Variants in TMX3 observed in about 807,000 individuals in gnomAD.
TMX3 encodes the protein protein disulfide-isomerase TMX3.
A neutral mutation model predicts 64.4 loss-of-function variants in TMX3; 40 were observed. The observed-to-expected ratio is 0.62, with a 90% CI of 0.48 to 0.81. The LOEUF (loss-of-function observed/expected upper bound fraction) is 0.81, where lower values mean the gene tolerates loss of function less well. Ranked by LOEUF, TMX3 falls within the 30% of genes least tolerant of loss-of-function variation. TMX3 has a pLI of 0.00. For missense variants in TMX3, 497 were observed against 534.5 expected (o/e 0.93, Z 0.69); for synonymous variants, 189 against 175.7 (o/e 1.08, Z -0.60).
intron 9 of TMX3, chr18:68,689,541 T>C (rs1005564381): frequency 2.6e-5 from 4 of 152,176 alleles, no homozygotes; most frequent in Non-Finnish European, 4.4e-5. Context: ...CCTGTTTCTT[T>C]ATCTGTAAAA....
At chr18:68,677,794 A>G (rs541047236) in intron 15 of TMX3, among the ~76,000 whole-genome samples, 1 of 152,278 alleles carries the variant, frequency 6.6e-6, no homozygotes, top group African/African-American at 2.4e-5. Flanking sequence ...GAGAACATAG[A>G]GAAGTTCAGA....
Position 68,679,446 on chromosome 18 carries a change from A to G in TMX3, c.1104+17T>C, listed in dbSNP as rs993731666. 6.3e-7 allele frequency: 1 copy of G among 1,597,472 alleles called. No individual in the cohort carries two copies. The highest frequency in any genetic ancestry group is 2.2e-5 in the East Asian group (1 of 44,562). On this transcript the variant is annotated intron_variant, in intron 15 of 15. Transcript: ENST00000299608. Reference sequence around the variant, plus strand: ...ATATCTTCTTCATTATCAATGACATAAACTGTCACAACTTACCACAATAGT... The same window carrying G: ...ATATCTTCTTCATTATCAATGACATGAACTGTCACAACTTACCACAATAGT...
intron 12 of TMX3, among the ~76,000 whole-genome samples, chr18:68,683,763 T>C (rs1201290568): frequency 1.3e-5 from 2 of 152,114 alleles, no homozygotes; most frequent in African/African-American, 4.8e-5. Flanking sequence ...TCCCCCCTTA[T>C]CCATAGATTC....
chr18:68,711,916 T>C (rs2031318788), intron 2 of TMX3, among the ~76,000 whole-genome samples: 1 of 152,148 alleles, frequency 6.6e-6, no homozygotes, highest in Non-Finnish European at 1.5e-5. Flanking sequence ...CCTGAAGATG[T>C]GCAGTCCAGC....
chr18:68,714,898 C>A (rs1169677768), intron 1 of TMX3, 38 bp downstream of exon 1: 4 of 1,548,458 alleles, frequency 2.6e-6, no homozygotes, highest in Non-Finnish European at 3.5e-6. Context: ...CCAGGTCCCA[C>A]GCGCCCGCCA....
At position 68,709,984 on chromosome 18, in the gene TMX3, T is replaced by G. The variant is rs201355390; in HGVS notation, c.265+37A>C. On this transcript the variant is annotated intron_variant, in intron 4 of 15. Coordinates refer to ENST00000299608, the MANE Select transcript of TMX3 (RefSeq NM_019022.5). ...CTGTTGCATATAAATGTTTTTGCTG[T>G]GAGAACAGTAAAATAATAAACTAAG... is the stretch of plus-strand genomic sequence containing the variant. 3.1e-5 allele frequency: 48 copies of G among 1,537,976 alleles called. No homozygotes were observed. The East Asian group carries it at 9.0e-4, about 29-fold the overall frequency.
At chr18:68,697,368 TA>T in intron 7 of TMX3, 65 bp from the exon 8 acceptor site, 1 of 879,126 alleles carries the variant, frequency 1.1e-6, no homozygotes, top group Non-Finnish European at 1.8e-6. Flanking sequence ...CATTCCTCAT[TA>T]AACAATGAGA....
At chr18:68,678,326 G>A (rs1913115474) in intron 15 of TMX3, among the ~76,000 whole-genome samples, 1 of 152,144 alleles carries the variant, frequency 6.6e-6, no homozygotes, top group South Asian at 2.1e-4. Context: ...AAGGACAACA[G>A]GAACTAAGTT....
chr18:68,686,168 G>A (rs545971478), intron 10 of TMX3, among the ~76,000 whole-genome samples: 1 of 152,208 alleles, frequency 6.6e-6, no homozygotes, highest in South Asian at 2.1e-4. Flanking sequence ...AGCATCAGGG[G>A]ACAGGTGGGG....
Position 68,711,365 on chromosome 18 carries a change from T to C in TMX3, c.140A>G (p.Asp47Gly). 6.3e-7 allele frequency: 1 copy of C among 1,584,148 alleles called. No homozygotes were observed. Among genetic ancestry groups the C allele is most frequent in the Non-Finnish European group, 8.6e-7 (1 of 1,161,438 alleles). The change falls in exon 3 of 16, where the codon GAT (aspartate) becomes GGT (glycine). Residue 47 changes from aspartate to glycine, a missense_variant and splice_region_variant. Asp to Gly is a moderately conservative substitution (Grantham distance 94). Transcript: ENST00000299608. ...ENRNDDIWLVDFYAPWCGHCK... is the reference protein window; with the variant it reads ...ENRNDDIWLVGFYAPWCGHCK... ...AGCATATAAAATTTACATACTTACATCTACAAGCCAAATGTCATCATTTCG... is the reference window on the plus strand; with the variant it reads ...AGCATATAAAATTTACATACTTACACCTACAAGCCAAATGTCATCATTTCG...
chr18:68,697,763 T>C (rs995396504), intron 7 of TMX3, 169 bp downstream of exon 7: 1 of 519,216 alleles, frequency 1.9e-6, no homozygotes, highest in Non-Finnish European at 3.4e-6. Flanking sequence ...TAGGAAAACA[T>C]GACAGAAGGT....
chr18:68,706,592 T>A (rs1351004584), intron 4 of TMX3, among the ~76,000 whole-genome samples: 1 of 152,150 alleles, frequency 6.6e-6, no homozygotes, highest in African/African-American at 2.4e-5. Context: ...GTCTACAGAT[T>A]ACATGCTGAG....
chr18:68,696,563 G>A (rs183898065), intron 8 of TMX3, among the ~76,000 whole-genome samples: 1 of 152,038 alleles, frequency 6.6e-6, no homozygotes, highest in Non-Finnish European at 1.5e-5. Context: ...TGCAGCCTCT[G>A]CCTCCCAGGT....
intron 4 of TMX3, chr18:68,706,431 GAAATA>G (rs956555557): frequency 1.4e-4 from 21 of 151,820 alleles, no homozygotes; most frequent in Non-Finnish European, 2.1e-4. Flanking sequence ...AAGAAATAAA[GAAATA>G]AAATAAAAGA....
chr18:68,707,989 A>G (rs1292744005), intron 4 of TMX3, among the ~76,000 whole-genome samples: 1 of 144,540 alleles, frequency 6.9e-6, no homozygotes, highest in African/African-American at 2.8e-5. Flanking sequence ...GTGTATGTGT[A>G]TATATGTGTA....
intron 8 of TMX3, among the ~76,000 whole-genome samples, chr18:68,692,299 T>C (rs1231430238): frequency 1.3e-5 from 2 of 152,198 alleles, no homozygotes; most frequent in East Asian, 1.9e-4. Context: ...TATCCCTGAA[T>C]AGTTCTTACT....
chr18:68,703,060 G>A (rs1047759480), intron 4 of TMX3, among the ~76,000 whole-genome samples: 8 of 152,178 alleles, frequency 5.3e-5, no homozygotes, highest in Non-Finnish European at 7.3e-5. Flanking sequence ...ATTTGTGCCC[G>A]TCTGTAATCT....
intron 1 of TMX3, 34 bp from the exon 2 acceptor site, chr18:68,713,934 G>A (rs1177454742): frequency 2.7e-6 from 4 of 1,464,278 alleles, no homozygotes; most frequent in Non-Finnish European, 2.8e-6. Flanking sequence ...CACAATAAAT[G>A]CTGATTATTT....
rs764132580 is a variant in TMX3 at position 68,701,760 on chromosome 18, T to C, written c.296A>G (p.Tyr99Cys). ...CTCAACTTACAGCTTAATTGTTGGA[T>C]AACCTCGAACTCCAAACTCTGAAGC... ...SIASEFGVRG[Y>C]PTIKLLKGDL... Residue 99 changes from tyrosine (Y) to cysteine (C), a missense_variant, in exon 5 of 16, where the codon TAT becomes TGT. Around this residue, in one of 3 missense-constraint regions of TMX3, gnomAD observed 360 missense variants for 383.5 expected, o/e 0.94. Transcript: ENST00000299608. 8 of 1,611,970 alleles carry C rather than the reference T, an allele frequency of 5.0e-6. No individual in the cohort carries two copies. Among genetic ancestry groups the C allele is most frequent in the Non-Finnish European group, 6.8e-6 (8 of 1,179,236 alleles).
Sources: gnomAD v4.1 joint callset for allele counts (sites outside exome capture counted in the v4.1 genomes callset) on GRCh38, gnomAD v4.1.1 for gene constraint, gnomAD v4.1.1 regional missense constraint, MANE v1.5 for transcripts, NCBI Gene and HGNC (gene_info 2026-07-23, HGNC 2026-07-21) for gene names.